Variants in ZBTB7C observed in about 807,000 individuals in gnomAD.
ZBTB7C encodes zinc finger and BTB domain-containing protein 7C.
ZBTB7C carries 8 observed loss-of-function variants against 25.7 expected under a neutral mutation model. The observed-to-expected ratio is 0.31, with a 90% CI of 0.18 to 0.56. The LOEUF is 0.56. ZBTB7C is among the 20% of genes least tolerant of loss of function. The probability of loss-of-function intolerance (pLI) is 0.91; values close to 1 mark genes in which losing one functional copy is unlikely to be tolerated. For synonymous variants in ZBTB7C, 394 were observed against 369.0 expected (o/e 1.07, Z -0.78); for missense variants, 824 against 855.2 (o/e 0.96, Z 0.46).
chr18:48,171,240 T>C (rs150664830), intron 3 of ZBTB7C, among the ~76,000 whole-genome samples: 383 of 152,318 alleles, frequency 2.5e-3, no homozygotes, highest in African/African-American at 8.9e-3. Flanking sequence ...GCTTGTGGCT[T>C]CTTCCCCGAG....
At chr18:48,067,522 T>C (rs148294570) in intron 3 of ZBTB7C, among the ~76,000 whole-genome samples, 1 of 152,264 alleles carries the variant, frequency 6.6e-6, no homozygotes, top group Non-Finnish European at 1.5e-5. Flanking sequence ...CCTTTTAGAA[T>C]GTAAGTGGGC....
chr18:48,093,247 A>T (rs2038486046), intron 3 of ZBTB7C, among the ~76,000 whole-genome samples: 1 of 152,184 alleles, frequency 6.6e-6, no homozygotes, highest in Non-Finnish European at 1.5e-5. Context: ...TAGGGGGAAG[A>T]TACCCGGTTT....
chr18:48,189,129 C>T (rs1421852839), intron 2 of ZBTB7C, among the ~76,000 whole-genome samples: 1 of 152,214 alleles, frequency 6.6e-6, no homozygotes, highest in East Asian at 1.9e-4. Context: ...TCAGGGAATT[C>T]TAACCATAGC....
chr18:48,329,072 T>C (rs1396191559), intron 2 of ZBTB7C, among the ~76,000 whole-genome samples: 1 of 152,200 alleles, frequency 6.6e-6, no homozygotes, highest in Non-Finnish European at 1.5e-5. Flanking sequence ...AGAAGATATA[T>C]TCTCTGAGTC....
intron 1 of ZBTB7C, among the ~76,000 whole-genome samples, chr18:48,360,578 G>A (rs1204241703): frequency 6.6e-6 from 1 of 152,204 alleles, no homozygotes; most frequent in Non-Finnish European, 1.5e-5. Flanking sequence ...AAGGAGCCAG[G>A]GGAGGGAGAG....
chr18:48,038,327 G>C (rs375856061), intron 4 of ZBTB7C, among the ~76,000 whole-genome samples: 2 of 152,226 alleles, frequency 1.3e-5, no homozygotes, highest in South Asian at 4.2e-4. Flanking sequence ...TGGGACAGAT[G>C]CTGTCTGGGG....
rs774883073 is a variant in ZBTB7C, at chr18:48,029,304, C to T, written c.1816G>A (p.Ala606Thr). Reference protein sequence around the residue: ...AAGLAGLPGLAGLNHVASMSE... With the variant: ...AAGLAGLPGLTGLNHVASMSE... ...ATGGAGGCCACGTGGTTGAGGCCGG[C>T]GAGCCCAGGGAGGCCGGCCAGGCCG... The change falls in exon 5 of 5, where the codon GCC becomes ACC. Residue 606 changes from alanine (A) to threonine (T), a missense_variant. By Grantham distance (58) the Ala-to-Thr change is moderately conservative. This residue lies in a region of ZBTB7C where 342 missense variants were observed against 307.0 expected (regional missense o/e 1.11). Coordinates refer to ENST00000590800, the MANE Select transcript of ZBTB7C (RefSeq NM_001318841.2). 2.0e-5 allele frequency: 31 copies of T among 1,536,712 alleles called. No homozygotes were observed. The highest frequency in any genetic ancestry group is 2.4e-5 in the Non-Finnish European group (28 of 1,147,738).
At chr18:48,186,505 C>A (rs1207809825) in intron 2 of ZBTB7C, among the ~76,000 whole-genome samples, 1 of 152,206 alleles carries the variant, frequency 6.6e-6, no homozygotes, top group African/African-American at 2.4e-5. Context: ...AGAGCTGACA[C>A]AAACCAACAA....
chr18:48,177,302 C>G (rs2041713940), intron 3 of ZBTB7C, among the ~76,000 whole-genome samples: 1 of 152,160 alleles, frequency 6.6e-6, no homozygotes, highest in Admixed American at 6.5e-5. Context: ...ACCACTTGCC[C>G]TCACCTGCAA....
intron 1 of ZBTB7C, among the ~76,000 whole-genome samples, chr18:48,376,949 A>G (rs1261585573): frequency 2.6e-5 from 4 of 152,226 alleles, no homozygotes; most frequent in Non-Finnish European, 5.9e-5. Flanking sequence ...TCCCCACCAC[A>G]GTCTCCATAT....
At chr18:48,245,629 G>A (rs1056370408) in intron 2 of ZBTB7C, among the ~76,000 whole-genome samples, 14 of 152,142 alleles carry the variant, frequency 9.2e-5, no homozygotes, top group South Asian at 2.1e-4. Context: ...TGGAGAATGC[G>A]CTCCATCAAA....
Position 48,045,730 on chromosome 18 carries a change from C to G in ZBTB7C, c.-16-4607G>C, listed in dbSNP as rs551684256. 1.1e-4 allele frequency among the ~76,000 whole-genome samples: 17 copies of G among 152,278 alleles called. No individual in the cohort carries two copies. The South Asian group carries it at 3.5e-3, about 32-fold the overall frequency. ...CCAGCCTTCGGTCTCCTGATTCTTG[C>G]CATTTATTTGACTCTGCCTTGAACT... On this transcript the variant is annotated intron_variant, in intron 3 of 4. Coordinates refer to ENST00000590800, the MANE Select transcript of ZBTB7C (RefSeq NM_001318841.2).
At chr18:48,148,510 A>G (rs2040567899) in intron 3 of ZBTB7C, 1 of 152,198 alleles carries the variant, frequency 6.6e-6, no homozygotes, top group Non-Finnish European at 1.5e-5. Flanking sequence ...TGATGGACCC[A>G]GTCTACAATA....
rs552529608 is a variant in ZBTB7C, at chr18:48,157,191, A to G, written c.-17+28743T>C. On this transcript the variant is annotated intron_variant, in intron 3 of 4. Coordinates refer to ENST00000590800, the MANE Select transcript of ZBTB7C (RefSeq NM_001318841.2). ...GGTACTCTCTGAGGAGAGCTTTTCA[A>G]TAAATAAAAGCATTAACAGCAAGAA... Among the ~76,000 whole-genome samples, 5 of 152,360 alleles carry G rather than the reference A, an allele frequency of 3.3e-5. No individual in the cohort carries two copies. In the East Asian group the frequency reaches 9.6e-4, roughly 29 times the overall value.
At position 48,040,961 on chromosome 18, in the gene ZBTB7C, G is replaced by T. The variant is rs756676558; in HGVS notation, c.147C>A (p.Arg49=). ...ACTTGCTGCAGGCAGCCAGGACGGA[G>T]CGGTGGGTCCGATACTCCTGCTCCT... ...VVQEQEYRTH[R]SVLAACSKYF... is the part of the protein sequence containing the mutation. The change falls in exon 4 of 5, where the codon CGC becomes CGA. Residue 49 remains arginine, a synonymous_variant. Coordinates refer to ENST00000590800, the MANE Select transcript of ZBTB7C (RefSeq NM_001318841.2). The T allele has an allele frequency of 3.3e-5, 53 of 1,614,074 alleles. No individual in the cohort carries two copies. Among genetic ancestry groups the T allele is most frequent in the Non-Finnish European group, 4.3e-5 (51 of 1,180,048 alleles).
chr18:48,370,155 A>T (rs1465052197), intron 1 of ZBTB7C, among the ~76,000 whole-genome samples: 1 of 152,322 alleles, frequency 6.6e-6, no homozygotes, highest in Middle Eastern at 3.4e-3. Context: ...TCCATGGGCC[A>T]AAGAGGAATC....
chr18:48,396,813 G>A (rs547629626), intron 1 of ZBTB7C, among the ~76,000 whole-genome samples: 2 of 152,266 alleles, frequency 1.3e-5, no homozygotes, highest in South Asian at 2.1e-4. Flanking sequence ...GCTGAACCAC[G>A]AGCCACAATG....
At chr18:48,316,634 G>T (rs1349644211) in intron 2 of ZBTB7C, among the ~76,000 whole-genome samples, 2 of 152,176 alleles carry the variant, frequency 1.3e-5, no homozygotes, top group Non-Finnish European at 2.9e-5. Flanking sequence ...GGCATCTCTT[G>T]CTCCCTCTCT....
At chr18:48,149,234 T>G (rs11082655) in intron 3 of ZBTB7C, 132,303 of 152,624 alleles carry the variant, frequency 0.87, 57,636 homozygotes, top group African/African-American at 0.94. Context: ...GCTCATGTGG[T>G]TGTAATGTGT....
Sources: gnomAD v4.1 joint callset for allele counts (sites outside exome capture counted in the v4.1 genomes callset) on GRCh38, gnomAD v4.1.1 for gene constraint, gnomAD v4.1.1 regional missense constraint, MANE v1.5 for transcripts, NCBI Gene and HGNC (gene_info 2026-07-23, HGNC 2026-07-21) for gene names.